The following ZNF675 variants were observed in gnomAD, a reference collection of about 807,000 sequenced individuals.
ZNF675 encodes the protein zinc finger protein 675, also known as TRAF6 inhibitory zinc finger.
ZNF675 carries 36 observed loss-of-function variants against 56.1 expected under a neutral mutation model. The ratio of observed to expected loss-of-function variants is 0.64; its 90% CI spans 0.49 to 0.85. The LOEUF (loss-of-function observed/expected upper bound fraction) is 0.85, where lower values mean the gene tolerates loss of function less well. Ranked by LOEUF, ZNF675 falls within the 40% of genes least tolerant of loss-of-function variation. The probability of loss-of-function intolerance (pLI) is 0.00; values close to 1 mark genes in which losing one functional copy is unlikely to be tolerated. For missense variants in ZNF675, 663 were observed against 654.2 expected (o/e 1.01, Z -0.15); for synonymous variants, 200 against 218.9 (o/e 0.91, Z 0.76).
At chr19:23,664,675 G>C (rs1011740542) in intron 1 of ZNF675, among the ~76,000 whole-genome samples, 1 of 152,182 alleles carries the variant, frequency 6.6e-6, no homozygotes, top group Admixed American at 6.5e-5. Flanking sequence ...ACATGGGCGG[G>C]AACAGTGGCT....
Position 23,654,097 on chromosome 19 carries a change from G to C in ZNF675, c.836C>G (p.Thr279Arg), listed in dbSNP as rs760632526. 1 of 1,613,818 alleles carries C rather than the reference G, an allele frequency of 6.2e-7. No homozygotes were observed. Among genetic ancestry groups the C allele is most frequent in the Middle Eastern group, 1.6e-4 (1 of 6,062 alleles). ...TTCACATTTGTAGGGTTTCTCTCCTGTATGAATTATCTTATGTGTAGTAAG... is the reference window on the plus strand; with the variant it reads ...TTCACATTTGTAGGGTTTCTCTCCTCTATGAATTATCTTATGTGTAGTAAG... Reference protein sequence around the residue: ...SHLTTHKIIHTGEKPYKCEEC... With the variant: ...SHLTTHKIIHRGEKPYKCEEC... Residue 279 changes from threonine (T) to arginine (R), a missense_variant, in exon 4 of 4, where the codon ACA (threonine) becomes AGA (arginine). Transcript: ENST00000359788.
At chr19:23,662,576 A>C (rs761004080) in intron 2 of ZNF675, among the ~76,000 whole-genome samples, 23 of 152,220 alleles carry the variant, frequency 1.5e-4, no homozygotes, top group Admixed American at 7.9e-4. Context: ...ATACAGACAA[A>C]TCCTTAAGAT....
chr19:23,683,974 G>A (rs552208984), intron 1 of ZNF675, among the ~76,000 whole-genome samples: 2 of 151,960 alleles, frequency 1.3e-5, no homozygotes, highest in African/African-American at 2.4e-5. Context: ...AAAAACTAAA[G>A]TCACTGACTG....
At chr19:23,680,975 G>A (rs913364636) in intron 1 of ZNF675, among the ~76,000 whole-genome samples, 4 of 151,586 alleles carry the variant, frequency 2.6e-5, no homozygotes, top group Non-Finnish European at 4.4e-5. Flanking sequence ...AAACAAACCT[G>A]CAGATGTACT....
intron 1 of ZNF675, among the ~76,000 whole-genome samples, chr19:23,672,665 A>G (rs1968241911): frequency 6.6e-6 from 1 of 152,196 alleles, no homozygotes; most frequent in African/African-American, 2.4e-5. Context: ...CAATCAAAGG[A>G]GAGGTCCACT....
At chr19:23,679,988 AC>A (rs879598744) in intron 1 of ZNF675, among the ~76,000 whole-genome samples, 3,549 of 137,442 alleles carry the variant, frequency 0.026, 231 homozygotes, top group African/African-American at 0.092. Flanking sequence ...GAGACTCCGT[AC>A]CCCCCCCCAA....
intron 1 of ZNF675, among the ~76,000 whole-genome samples, chr19:23,685,507 A>G (rs561117766): frequency 6.6e-6 from 1 of 152,216 alleles, no homozygotes; most frequent in South Asian, 2.1e-4. Flanking sequence ...CATCACCCAT[A>G]AAGTTTCCAA....
intron 1 of ZNF675, among the ~76,000 whole-genome samples, chr19:23,668,538 C>G (rs1968185535): frequency 6.6e-6 from 1 of 152,240 alleles, no homozygotes; most frequent in South Asian, 2.1e-4. Context: ...CACTCCTCAG[C>G]CCTTGGGCGG....
chr19:23,653,809 T>G lies in ZNF675; in HGVS notation c.1124A>C (p.Lys375Thr). The G allele has an allele frequency of 6.2e-7, 1 of 1,613,886 alleles. No individual in the cohort carries two copies. The highest frequency in any genetic ancestry group is 1.3e-5 in the African/African-American group (1 of 75,008). Residue 375 changes from lysine to threonine, a missense_variant, in exon 4 of 4, where the codon AAA becomes ACA. Physicochemically the swap from Lys to Thr is moderately conservative, Grantham distance 78 (BLOSUM62 -1). Around this residue, in one of 3 missense-constraint regions of ZNF675, gnomAD observed 617 missense variants for 590.5 expected, o/e 1.04. Transcript: ENST00000359788. ...AAGATTTGAGGATCGGTTAAAAGCT[T>G]TGCCGCATTCCTCACATTTGTAGGG... Reference protein sequence around the residue: ...EQPYKCEECGKAFNRSSNLTE... With the variant: ...EQPYKCEECGTAFNRSSNLTE...
chr19:23,682,126 C>T (rs1414546182), intron 1 of ZNF675, among the ~76,000 whole-genome samples: 1 of 151,686 alleles, frequency 6.6e-6, no homozygotes. Context: ...AAATAAAATA[C>T]TTCTTAATCA....
chr19:23,686,746 T>C (rs556500249), intron 1 of ZNF675, among the ~76,000 whole-genome samples: 3 of 152,318 alleles, frequency 2.0e-5, no homozygotes, highest in East Asian at 1.9e-4. Context: ...CTGTGGTCCC[T>C]GCACAATCTG....
intron 1 of ZNF675, among the ~76,000 whole-genome samples, chr19:23,684,462 CG>C (rs1418135538): frequency 1.3e-5 from 2 of 151,452 alleles, no homozygotes; most frequent in Non-Finnish European, 2.9e-5. Context: ...CTGGCCAACA[CG>C]GGAAAACCCC....
chr19:23,668,738 AC>A (rs1287165290), intron 1 of ZNF675, among the ~76,000 whole-genome samples: 2 of 152,042 alleles, frequency 1.3e-5, no homozygotes, highest in Non-Finnish European at 2.9e-5. Flanking sequence ...CTGCTGGGGG[AC>A]CCAGTACACC....
At chr19:23,666,719 T>C (rs910333907) in intron 1 of ZNF675, among the ~76,000 whole-genome samples, 1 of 150,310 alleles carries the variant, frequency 6.7e-6, no homozygotes, top group African/African-American at 2.4e-5. Flanking sequence ...AGGCCCAAAG[T>C]ATTGGATTTA....
At chr19:23,676,151 A>G (rs1288594550) in intron 1 of ZNF675, among the ~76,000 whole-genome samples, 3 of 151,686 alleles carry the variant, frequency 2.0e-5, no homozygotes, top group African/African-American at 7.3e-5. Context: ...AGACTGAACA[A>G]AAAAGAAATT....
chr19:23,662,058 G>T, intron 3 of ZNF675, 56 bp downstream of exon 3: 1 of 1,274,044 alleles, frequency 7.8e-7, no homozygotes, highest in Non-Finnish European at 1.1e-6. Flanking sequence ...CTTTCTCTTT[G>T]ACCTTTGGAC....
In ZNF675 at chr19:23,653,044, CTTAA is replaced by C. The variant is rs879275119; in HGVS notation, c.*178_*181del. The stretch of plus-strand genomic sequence containing the variant: ...CTTTCCTGTGCAATAAGGTTTGAGC[CTTAA>C]TTAACAGTATTGCCAAATTCTTCAC... On this transcript the variant is annotated 3_prime_UTR_variant, in exon 4 of 4. Coordinates refer to ENST00000359788, the MANE Select transcript of ZNF675 (RefSeq NM_138330.3). The C allele has an allele frequency of 1.6e-4, 94 of 582,800 alleles. No individual in the cohort carries two copies. The highest frequency in any genetic ancestry group is 4.8e-4 in the South Asian group (16 of 33,386). The allele number at this position is 582,800 out of a possible 1,614,324, so 36.1% of individuals were successfully genotyped here. A position where few individuals can be genotyped will look rare whatever the true frequency, so the allele number is the denominator to read the frequency against.
rs764634930 is a variant in ZNF675, at chr19:23,654,407, C to G, written c.526G>C (p.Glu176Gln). ...AGCATGCAAAATGATCTGCCACATT[C>G]TTTACATTTGAAAGGTTTATTTTCC... ...HMENKPFKCK[E>Q]CGRSFCMLSH... The change falls in exon 4 of 4, where the codon GAA (glutamate) becomes CAA (glutamine). Residue 176 changes from glutamate to glutamine, a missense_variant. This residue lies in a region of ZNF675 where 617 missense variants were observed against 590.5 expected (regional missense o/e 1.04). Transcript: ENST00000359788. The G allele has an allele frequency of 1.9e-6, 3 of 1,610,898 alleles. No homozygotes were observed. In the Admixed American group the frequency reaches 5.0e-5, roughly 27 times the overall value.
chr19:23,656,843 G>A (rs927076674), intron 3 of ZNF675: 3 of 152,062 alleles, frequency 2.0e-5, no homozygotes, highest in Admixed American at 6.6e-5. Context: ...GATAAAATGG[G>A]CAGTTGTTAA....
Sources: allele counts gnomAD v4.1 joint callset (sites outside exome capture counted in the v4.1 genomes callset), GRCh38; gene constraint gnomAD v4.1.1; regional missense constraint gnomAD v4.1.1; transcripts MANE v1.5; gene names NCBI Gene and HGNC (gene_info 2026-07-23, HGNC 2026-07-21).